Variants in FUT8 observed in about 807,000 individuals in gnomAD.
The protein encoded by FUT8 is fucosyltransferase 8, also known as alpha-(1,6)-fucosyltransferase.
Under a neutral mutation model 71.3 loss-of-function variants are expected in FUT8, and 29 were observed. That is an observed-to-expected ratio of 0.41 (90% CI 0.30 to 0.55). The LOEUF (loss-of-function observed/expected upper bound fraction) is 0.55. Ranked by LOEUF, FUT8 falls within the 20% of genes least tolerant of loss-of-function variation. FUT8 has a pLI of 0.34. For synonymous variants in FUT8, 254 were observed against 239.3 expected, an observed-to-expected ratio of 1.06 and a Z score of -0.57; for missense variants, 544 against 702.1, an observed-to-expected ratio of 0.77 and a Z score of 2.55.
chr14:65,605,621 C>G (rs1006491390), intron 3 of FUT8, among the ~76,000 whole-genome samples: 12 of 152,000 alleles, frequency 7.9e-5, no homozygotes, highest in Non-Finnish European at 1.6e-4. Context: ...CTGCTGATGC[C>G]TTAATCATGG....
At chr14:65,526,663 G>A (rs1883491372) in intron 2 of FUT8, among the ~76,000 whole-genome samples, 1 of 152,160 alleles carries the variant, frequency 6.6e-6, no homozygotes, top group South Asian at 2.1e-4. Flanking sequence ...GGTATCGATG[G>A]TCTTTACAAT....
chr14:65,522,190 T>G (rs887195026), intron 2 of FUT8, among the ~76,000 whole-genome samples: 1 of 152,216 alleles, frequency 6.6e-6, no homozygotes, highest in African/African-American at 2.4e-5. Flanking sequence ...TTGAAATTCC[T>G]GTTTGACAGT....
chr14:65,511,210 A>G (rs144612377), intron 2 of FUT8, among the ~76,000 whole-genome samples: 5 of 152,160 alleles, frequency 3.3e-5, no homozygotes, highest in African/African-American at 1.2e-4. Flanking sequence ...ATATTTGTAT[A>G]GTTTCCAAAA....
chr14:65,419,999 T>A (rs551832743), intron 1 of FUT8, among the ~76,000 whole-genome samples: 22 of 152,340 alleles, frequency 1.4e-4, no homozygotes, highest in South Asian at 6.2e-4. Flanking sequence ...AGATATAATG[T>A]TACTTTTAAT....
the FUT8 span, among the ~76,000 whole-genome samples, chr14:65,383,265 C>CTTTT: frequency 1.5e-3 from 132 of 86,518 alleles, no homozygotes; most frequent in Non-Finnish European, 2.4e-3. Context: ...TTTTTCTTTT[C>CTTTT]TTTTTTTTTT....
chr14:65,649,822 C>T (rs968875671), intron 6 of FUT8, among the ~76,000 whole-genome samples: 1 of 152,042 alleles, frequency 6.6e-6, no homozygotes, highest in African/African-American at 2.4e-5. Flanking sequence ...TTAGCAAATG[C>T]CTCTGAAAAT....
chr14:65,681,085 A>G (rs780462559), intron 7 of FUT8, among the ~76,000 whole-genome samples: 7 of 152,164 alleles, frequency 4.6e-5, no homozygotes, highest in African/African-American at 7.2e-5. Flanking sequence ...TTTCCCTCCA[A>G]TTGTCCCCAT....
chr14:65,523,578 A>C (rs1031095470), intron 2 of FUT8, among the ~76,000 whole-genome samples: 5 of 152,198 alleles, frequency 3.3e-5, no homozygotes, highest in African/African-American at 4.8e-5. Context: ...CTTTAGCTTA[A>C]TTAGATCCCA....
At chr14:65,735,006 G>A (rs919398973) in intron 10 of FUT8, among the ~76,000 whole-genome samples, 2 of 152,062 alleles carry the variant, frequency 1.3e-5, no homozygotes, top group African/African-American at 4.8e-5. Flanking sequence ...ATGCCCCTGT[G>A]GAGCAAAATT....
At chr14:65,488,073 C>CT (rs1201173247) in intron 2 of FUT8, among the ~76,000 whole-genome samples, 1 of 152,178 alleles carries the variant, frequency 6.6e-6, no homozygotes. Flanking sequence ...CCTCCCACCT[C>CT]TGCCTCCCAA....
At chr14:65,612,195 G>C (rs1021301824) in intron 3 of FUT8, among the ~76,000 whole-genome samples, 1 of 152,052 alleles carries the variant, frequency 6.6e-6, no homozygotes, top group Non-Finnish European at 1.5e-5. Flanking sequence ...TTACTAGAAG[G>C]TCTTGTATAA....
Position 65,589,005 on chromosome 14 carries a change from C to G in FUT8, c.204-26973C>G, listed in dbSNP as rs1171894059. On this transcript the variant is annotated intron_variant, in intron 3 of 10. Transcript: ENST00000673929. ...CTTTCTCAGCCCCTTTATTTCGCTC[C>G]TTTTTCTTGTCGCTCTCAATCTCTT... Among the ~76,000 whole-genome samples the G allele has an allele frequency of 2.6e-5, 4 of 152,088 alleles. No individual in the cohort carries two copies. The East Asian group carries it at 7.7e-4, about 29-fold the overall frequency.
chr14:65,630,626 GTAT>G (rs1050360446), intron 6 of FUT8, among the ~76,000 whole-genome samples: 25 of 152,160 alleles, frequency 1.6e-4, no homozygotes, highest in Non-Finnish European at 3.4e-4. Context: ...AAGTATTAAG[GTAT>G]GTGGCAGTTT....
the FUT8 span, among the ~76,000 whole-genome samples, chr14:65,368,748 C>T: frequency 6.6e-6 from 1 of 151,768 alleles, no homozygotes; most frequent in South Asian, 2.1e-4. Flanking sequence ...GTCTCGATCT[C>T]CTGACCTGGT....
At chr14:65,531,645 G>C (rs977445076) in intron 2 of FUT8, among the ~76,000 whole-genome samples, 5 of 152,106 alleles carry the variant, frequency 3.3e-5, no homozygotes, top group African/African-American at 1.2e-4. Flanking sequence ...AGGTTCAGAG[G>C]TATCTGTACA....
chr14:65,371,223 A>C, the FUT8 span, among the ~76,000 whole-genome samples: 1 of 152,236 alleles, frequency 6.6e-6, no homozygotes, highest in African/African-American at 2.4e-5. Flanking sequence ...AAACGATCAC[A>C]CTTTCACAGT....
chr14:65,545,522 G>C (rs1884939550), intron 2 of FUT8, among the ~76,000 whole-genome samples: 1 of 151,848 alleles, frequency 6.6e-6, no homozygotes, highest in Non-Finnish European at 1.5e-5. Flanking sequence ...CCTTGTAACA[G>C]TCATTCGTTA....
At chr14:65,549,525 G>A (rs1885169001) in intron 2 of FUT8, among the ~76,000 whole-genome samples, 1 of 152,066 alleles carries the variant, frequency 6.6e-6, no homozygotes, top group Non-Finnish European at 1.5e-5. Flanking sequence ...TATTTTCAAT[G>A]TACATTACTT....
chr14:65,471,132 A>AGCT, intron 2 of FUT8: 1 of 442,412 alleles, frequency 2.3e-6, no homozygotes, highest in Non-Finnish European at 4.6e-6. Context: ...AAAGTTCTAT[A>AGCT]GTCCTGTAAT....
Sources: allele counts gnomAD v4.1 joint callset (sites outside exome capture counted in the v4.1 genomes callset), GRCh38; gene constraint gnomAD v4.1.1; transcripts MANE v1.5; gene names NCBI Gene and HGNC (gene_info 2026-07-23, HGNC 2026-07-21).